The following NPEPPS variants were observed in gnomAD, a reference collection of about 807,000 sequenced individuals.
NPEPPS encodes aminopeptidase puromycin sensitive.
Under a neutral mutation model 115.5 loss-of-function variants are expected in NPEPPS, and 14 were observed. The observed-to-expected ratio is 0.12, with a 90% CI of 0.08 to 0.19. NPEPPS has a LOEUF of 0.19. NPEPPS is among the 10% of genes least tolerant of loss of function. NPEPPS has a pLI of 1.00. For synonymous variants in NPEPPS, 285 were observed against 390.6 expected, an observed-to-expected ratio of 0.73 and a Z score of 3.19; for missense variants, 523 against 1,110.8, an observed-to-expected ratio of 0.47 and a Z score of 7.52.
intron 2 of NPEPPS, among the ~76,000 whole-genome samples, chr17:47,562,800 ATC>A (rs1037919318): frequency 2.0e-5 from 3 of 151,490 alleles, no homozygotes; most frequent in Non-Finnish European, 1.5e-5. Context: ...AAAAAAAAGA[ATC>A]TCTTCATTAT....
At chr17:47,536,024 A>G (rs1285966250) in intron 1 of NPEPPS, among the ~76,000 whole-genome samples, 1 of 151,626 alleles carries the variant, frequency 6.6e-6, no homozygotes, top group East Asian at 1.9e-4. Context: ...TTTTTAGTGG[A>G]GATGGGGTTT....
rs372927934 is a variant in NPEPPS, at chr17:47,603,944, G to C, written c.1770G>C (p.Arg590=). Residue 590 remains arginine (R), a synonymous_variant, in exon 16 of 23, where the codon CGG becomes CGC. Transcript: ENST00000322157. ...ACTTAGGAACAGTTGGGTTTTATCG[G>C]ACCCAGTACAGCTCTGCCATGCTGG... ...KLNLGTVGFY[R]TQYSSAMLES... is the part of the protein sequence containing the mutation. 2 of 1,612,808 alleles carry C rather than the reference G, an allele frequency of 1.2e-6. No individual in the cohort carries two copies. The highest frequency in any genetic ancestry group is 1.7e-6 in the Non-Finnish European group (2 of 1,179,280).
At chr17:47,562,827 G>A (rs1910527034) in intron 2 of NPEPPS, among the ~76,000 whole-genome samples, 1 of 149,172 alleles carries the variant, frequency 6.7e-6, no homozygotes, top group African/African-American at 2.5e-5. Flanking sequence ...AAAACCATTT[G>A]TGTTTCCTTT....
At chr17:47,555,130 C>T (rs1161159596) in intron 2 of NPEPPS, among the ~76,000 whole-genome samples, 4 of 152,006 alleles carry the variant, frequency 2.6e-5, no homozygotes, top group African/African-American at 4.8e-5. Context: ...AAAATTATTT[C>T]GTATTTGAGA....
intron 9 of NPEPPS, among the ~76,000 whole-genome samples, chr17:47,589,774 T>A (rs555949850): frequency 6.6e-6 from 1 of 152,350 alleles, no homozygotes; most frequent in East Asian, 1.9e-4. Context: ...TTTCACATAA[T>A]TTTTATATAA....
intron 12 of NPEPPS, among the ~76,000 whole-genome samples, chr17:47,594,825 G>T (rs955546868): frequency 6.6e-6 from 1 of 152,010 alleles, no homozygotes; most frequent in Non-Finnish European, 1.5e-5. Context: ...GTAGAGACAG[G>T]GTTTCACTGT....
In NPEPPS at chr17:47,615,540, G is replaced by A. The variant is rs913033566; in HGVS notation, c.2295+1815G>A. Among the ~76,000 whole-genome samples the A allele has an allele frequency of 2.0e-5, 3 of 152,140 alleles. No individual in the cohort carries two copies. In the East Asian group the frequency reaches 5.8e-4, roughly 29 times the overall value. ...CCACTGCACTCCAGCCTGCGTGACA[G>A]AGCAAGACCCTATCTTAAAAAAGAC... On this transcript the variant is annotated intron_variant, in intron 19 of 22. Transcript: ENST00000322157.
intron 2 of NPEPPS, among the ~76,000 whole-genome samples, chr17:47,556,846 G>A (rs1219110854): frequency 1.3e-5 from 2 of 152,208 alleles, no homozygotes; most frequent in East Asian, 1.9e-4. Flanking sequence ...GTTTCCCCAC[G>A]TTGGCCAGGC....
chr17:47,614,295 C>T (rs1002494847), intron 19 of NPEPPS, among the ~76,000 whole-genome samples: 3 of 152,048 alleles, frequency 2.0e-5, no homozygotes, highest in South Asian at 2.1e-4. Context: ...AATAAATGTT[C>T]GTTTTGATTA....
chr17:47,594,591 TTTATGTTATGTTATGTTATG>T (rs71141919), intron 12 of NPEPPS, among the ~76,000 whole-genome samples: 101 of 138,294 alleles, frequency 7.3e-4, no homozygotes, highest in East Asian at 8.6e-4. Context: ...TGTATTTTAT[TTTATGTTATGTTATGTTATG>T]TTATGTTATG....
chr17:47,587,373 T>C (rs1912257321), intron 9 of NPEPPS, 29 bp downstream of exon 9: 1 of 1,493,552 alleles, frequency 6.7e-7, no homozygotes, highest in Non-Finnish European at 8.9e-7. Flanking sequence ...TGCTCAAATA[T>C]ATTTATCTTC....
intron 19 of NPEPPS, among the ~76,000 whole-genome samples, chr17:47,615,901 G>A (rs1353120728): frequency 6.6e-6 from 1 of 152,208 alleles, no homozygotes; most frequent in Non-Finnish European, 1.5e-5. Context: ...TCTTCAAGAA[G>A]CCACTTGGTA....
At chr17:47,533,515 A>C (rs992596032) in intron 1 of NPEPPS, among the ~76,000 whole-genome samples, 1 of 152,184 alleles carries the variant, frequency 6.6e-6, no homozygotes, top group Non-Finnish European at 1.5e-5. Flanking sequence ...ATTAAAAAAA[A>C]CATTTGTTTC....
chr17:47,597,530 C>T (rs1006430623), intron 13 of NPEPPS, among the ~76,000 whole-genome samples: 2 of 151,826 alleles, frequency 1.3e-5, no homozygotes, highest in African/African-American at 4.8e-5. Context: ...TTTATTATTA[C>T]TTTTATATTT....
chr17:47,610,885 A>C (rs1168176698), intron 17 of NPEPPS, among the ~76,000 whole-genome samples: 3 of 116,142 alleles, frequency 2.6e-5, no homozygotes, highest in African/African-American at 7.3e-5. Context: ...ATGGAGTCTC[A>C]CTCTGTCTCC....
chr17:47,560,025 C>T (rs1333021642), intron 2 of NPEPPS, among the ~76,000 whole-genome samples: 1 of 152,104 alleles, frequency 6.6e-6, no homozygotes, highest in Admixed American at 6.6e-5. Context: ...GCAAAAGTGG[C>T]CTAGAATGCA....
intron 2 of NPEPPS, among the ~76,000 whole-genome samples, chr17:47,566,922 A>G (rs1247263544): frequency 6.6e-6 from 1 of 151,998 alleles, no homozygotes; most frequent in Non-Finnish European, 1.5e-5. Flanking sequence ...CTAAAAATAC[A>G]AAAGATTAGA....
chr17:47,529,950 ATTTT>A (rs1907615514), upstream of NPEPPS, among the ~76,000 whole-genome samples: 1 of 46,524 alleles, frequency 2.1e-5, no homozygotes, highest in Admixed American at 3.2e-4. Flanking sequence ...TTATTTATTT[ATTTT>A]GAGACAGAGT....
intron 17 of NPEPPS, 127 bp from the exon 18 acceptor site, chr17:47,612,333 A>G: frequency 1.2e-6 from 1 of 836,270 alleles, no homozygotes; most frequent in Non-Finnish European, 1.8e-6. Flanking sequence ...CTCAGGTATT[A>G]AGTTAATTGA....
Sources: gnomAD v4.1 joint callset for allele counts (sites outside exome capture counted in the v4.1 genomes callset) on GRCh38, gnomAD v4.1.1 for gene constraint, MANE v1.5 for transcripts, NCBI Gene and HGNC (gene_info 2026-07-23, HGNC 2026-07-21) for gene names.